Variants in NFATC2 observed in about 807,000 individuals in gnomAD.
The protein encoded by NFATC2 is nuclear factor of activated T cells 2.
Under a neutral mutation model 87.3 loss-of-function variants are expected in NFATC2, and 22 were observed. The ratio of observed to expected loss-of-function variants is 0.25; its 90% confidence interval spans 0.18 to 0.36. The LOEUF (loss-of-function observed/expected upper bound fraction) is 0.36, where lower values mean the gene tolerates loss of function less well. NFATC2 is among the 10% of genes least tolerant of loss of function. The pLI, the probability that NFATC2 is intolerant of heterozygous loss-of-function variation, is 1.00. For synonymous variants in NFATC2, 565 were observed against 542.2 expected, an observed-to-expected ratio of 1.04 and a Z score of -0.58; for missense variants, 1,149 against 1,259.1, an observed-to-expected ratio of 0.91 and a Z score of 1.32.
At chr20:51,507,192 G>A (rs1191541864) in intron 3 of NFATC2, among the ~76,000 whole-genome samples, 1 of 152,200 alleles carries the variant, frequency 6.6e-6, no homozygotes, top group Admixed American at 6.5e-5. Flanking sequence ...GGGCTTCATT[G>A]CTGACCAGCT....
intron 3 of NFATC2, among the ~76,000 whole-genome samples, chr20:51,491,140 A>G (rs1291970492): frequency 1.3e-5 from 2 of 152,204 alleles, no homozygotes; most frequent in African/African-American, 4.8e-5. Context: ...GTATTCAGAG[A>G]GAGGACTAGA....
At chr20:51,520,687 T>G (rs2076430631) in intron 2 of NFATC2, among the ~76,000 whole-genome samples, 1 of 151,912 alleles carries the variant, frequency 6.6e-6, no homozygotes, top group South Asian at 2.1e-4. Context: ...TTTGAGACAA[T>G]TTTACTCTTG....
At chr20:51,520,746 C>T (rs1333764099) in intron 2 of NFATC2, among the ~76,000 whole-genome samples, 1 of 152,062 alleles carries the variant, frequency 6.6e-6, no homozygotes, top group Admixed American at 6.6e-5. Flanking sequence ...CTGCAACCTC[C>T]GCCTCCTGGG....
rs11480465 is a variant in NFATC2, at chr20:51,466,504, G to GAA, written c.1708+7474_1708+7475dup. Among the ~76,000 whole-genome samples the GAA allele has an allele frequency of 2.6e-4, 39 of 150,500 alleles. No homozygotes were observed. The South Asian group carries it at 2.7e-3, about 10-fold the overall frequency. On this transcript the variant is annotated intron_variant, in intron 5 of 10. Transcript: ENST00000371564. ...AGGTTGTCTAATCTTTTGCTTTCAGGAAAAAAAAAGGCATCAGAAATAGCT... is the reference window on the plus strand; with the variant it reads ...AGGTTGTCTAATCTTTTGCTTTCAGGAAAAAAAAAAAGGCATCAGAAATAGCT...
Position 51,548,897 on chromosome 20 carries a change from G to A in NFATC2, c.70+13663C>T, listed in dbSNP as rs1006071285. Among the ~76,000 whole-genome samples the A allele has an allele frequency of 6.6e-5, 10 of 152,366 alleles. No individual in the cohort carries two copies. In the East Asian group the frequency reaches 7.7e-4, roughly 12 times the overall value. ...TTAGCAGTGTTTTGTAGCCTTGGCA[G>A]CCCAGCCTCTAGCCTGGTTCCAATA... On this transcript the variant is annotated intron_variant, in intron 1 of 10. Coordinates refer to the NFATC2 transcript ENST00000414705.
At chr20:51,403,680 C>T (rs761208728) in intron 9 of NFATC2, among the ~76,000 whole-genome samples, 2 of 152,138 alleles carry the variant, frequency 1.3e-5, no homozygotes, top group Non-Finnish European at 2.9e-5. Flanking sequence ...CACCAGAGGT[C>T]AGTCTCATTG....
chr20:51,407,401 T>C (rs570375420), intron 9 of NFATC2, among the ~76,000 whole-genome samples: 45 of 152,338 alleles, frequency 3.0e-4, no homozygotes, highest in African/African-American at 9.6e-4. Flanking sequence ...GCCCCAGCAG[T>C]GAGCAATAAA....
intron 5 of NFATC2, among the ~76,000 whole-genome samples, chr20:51,466,016 A>G (rs936866966): frequency 3.3e-5 from 5 of 152,146 alleles, no homozygotes; most frequent in Non-Finnish European, 7.4e-5. Context: ...CTGATTCACA[A>G]AGCGAAGCAC....
intron 3 of NFATC2, among the ~76,000 whole-genome samples, chr20:51,511,661 A>G (rs1361333981): frequency 6.6e-6 from 1 of 152,148 alleles, no homozygotes; most frequent in East Asian, 1.9e-4. Flanking sequence ...AGTCCTGAAG[A>G]TCACATTATA....
intron 6 of NFATC2, among the ~76,000 whole-genome samples, 166 bp downstream of exon 6, chr20:51,454,382 G>A (rs577889270): frequency 1.2e-4 from 18 of 152,296 alleles, no homozygotes; most frequent in East Asian, 5.8e-4. Context: ...ATGCAATGGC[G>A]AATGGTATGG....
intron 9 of NFATC2, among the ~76,000 whole-genome samples, chr20:51,413,672 G>A (rs1979618365): frequency 6.6e-6 from 1 of 152,126 alleles, no homozygotes; most frequent in Admixed American, 6.5e-5. Flanking sequence ...TGGGAGGATT[G>A]CTTGAGCCTA....
chr20:51,435,848 T>C, intron 6 of NFATC2, 87 bp from the exon 7 acceptor site: 1 of 1,099,342 alleles, frequency 9.1e-7, no homozygotes, highest in East Asian at 2.6e-5. Context: ...CTGTTTATCT[T>C]AGCTTGTATA....
intron 6 of NFATC2, among the ~76,000 whole-genome samples, chr20:51,448,342 A>T (rs928546671): frequency 6.6e-6 from 1 of 152,198 alleles, no homozygotes; most frequent in Admixed American, 6.6e-5. Flanking sequence ...CGCAGGCTTG[A>T]AAAGAAATGG....
At chr20:51,559,626 T>C (rs1163079337) in intron 1 of NFATC2, among the ~76,000 whole-genome samples, 1 of 152,220 alleles carries the variant, frequency 6.6e-6, no homozygotes, top group Non-Finnish European at 1.5e-5. Flanking sequence ...TACAGTGTTA[T>C]AACAATTAAA....
intron 1 of NFATC2, among the ~76,000 whole-genome samples, chr20:51,561,868 AC>A (rs1052813076): frequency 6.6e-6 from 1 of 151,922 alleles, no homozygotes; most frequent in Non-Finnish European, 1.5e-5. Context: ...CTTATAGTTA[AC>A]CCCCTCCCAT....
At position 51,432,818 on chromosome 20, in the gene NFATC2, G is replaced by T; in HGVS notation, c.2033-62C>A. 3 of 1,407,818 alleles carry T rather than the reference G, an allele frequency of 2.1e-6. No individual in the cohort carries two copies. Among genetic ancestry groups the T allele is most frequent in the African/African-American group, 1.4e-5 (1 of 69,404 alleles). The allele number at this position is 1,407,818 out of a possible 1,614,324, so 87.2% of individuals were successfully genotyped here. ...CAGTGAGCCACGGATGTGCACGGAG[G>T]ATTCGTGGATGGTGCTTGAGAACAT... is the stretch of plus-strand genomic sequence containing the variant. On this transcript the variant is annotated intron_variant, in intron 8 of 10. Coordinates refer to ENST00000371564, the MANE Select transcript of NFATC2 (RefSeq NM_012340.5). This position sits in a 1 kb window ranked among gnomAD's most constrained non-coding sequence, Gnocchi z 4.6.
intron 5 of NFATC2, among the ~76,000 whole-genome samples, chr20:51,456,846 G>A (rs1402487133): frequency 6.6e-6 from 1 of 152,226 alleles, no homozygotes; most frequent in Admixed American, 6.5e-5. Flanking sequence ...ATCTGCTGGG[G>A]CCACTCAATG....
In NFATC2 at chr20:51,542,507, A is replaced by C. The variant is rs770733921; in HGVS notation, c.-8T>G. The C allele has an allele frequency of 6.9e-7, 1 of 1,455,462 alleles. No homozygotes were observed. Among genetic ancestry groups the C allele is most frequent in the Admixed American group, 3.0e-5 (1 of 32,906 alleles). 90.2% of individuals were successfully genotyped at this position (1,455,462 alleles called of 1,614,324 possible). A position where few individuals can be genotyped will look rare whatever the true frequency, so the allele number is the denominator to read the frequency against. ...CCGCTCGGGGGCGTTCATGGCGCGCAGGGCGGGAAGGCTGCGGGGCCGGGG... is the reference window on the plus strand; with the variant it reads ...CCGCTCGGGGGCGTTCATGGCGCGCCGGGCGGGAAGGCTGCGGGGCCGGGG... On this transcript the variant is annotated 5_prime_UTR_variant, in exon 1 of 11. Coordinates refer to ENST00000371564, the MANE Select transcript of NFATC2 (RefSeq NM_012340.5).
At chr20:51,406,888 G>A (rs889794482) in intron 9 of NFATC2, among the ~76,000 whole-genome samples, 4 of 152,154 alleles carry the variant, frequency 2.6e-5, no homozygotes, top group Non-Finnish European at 4.4e-5. Flanking sequence ...CTTGCTGGCC[G>A]CCTCGTCGGA....
Sources: allele counts gnomAD v4.1 joint callset (sites outside exome capture counted in the v4.1 genomes callset), GRCh38; gene constraint gnomAD v4.1.1; non-coding constraint Gnocchi (gnomAD v3.1); transcripts MANE v1.5; gene names NCBI Gene and HGNC (gene_info 2026-07-23, HGNC 2026-07-21).